SCN2A: variants seen among roughly 807,000 people sequenced by gnomAD.
The protein encoded by SCN2A is sodium voltage-gated channel alpha subunit 2.
In SCN2A, 20 loss-of-function variants were observed where a neutral mutation model predicts 188.7. The ratio of observed to expected loss-of-function variants is 0.11; its 90% CI spans 0.07 to 0.15. The LOEUF is 0.15. Among genes scored for constraint, SCN2A ranks in the 10% least tolerant of loss-of-function variants. SCN2A has a pLI of 1.00. For missense variants in SCN2A, 1,278 were observed against 2,445.0 expected (o/e 0.52, Z 10.07); for synonymous variants, 804 against 833.1 (o/e 0.97, Z 0.60).
At chr2:165,330,632 T>C (rs889092142) in intron 13 of SCN2A, among the ~76,000 whole-genome samples, 3 of 152,192 alleles carry the variant, frequency 2.0e-5, no homozygotes, top group African/African-American at 7.2e-5. Flanking sequence ...ATTATATGTA[T>C]GTTTCACCTA....
intron 16 of SCN2A, among the ~76,000 whole-genome samples, chr2:165,351,878 T>TTG (rs1475603844): frequency 6.6e-6 from 1 of 151,878 alleles, no homozygotes; most frequent in Non-Finnish European, 1.5e-5. Context: ...CTTGTTTTTT[T>TTG]TTTTTTTTTA....
chr2:165,334,935 A>T (rs1484694781), intron 14 of SCN2A, among the ~76,000 whole-genome samples: 1 of 151,708 alleles, frequency 6.6e-6, no homozygotes, highest in East Asian at 1.9e-4. Context: ...AGATCAATAT[A>T]CAAAACTCAA....
At chr2:165,387,100 C>A in intron 26 of SCN2A, 84 bp downstream of exon 26, 1 of 1,345,394 alleles carries the variant, frequency 7.4e-7, no homozygotes, top group Non-Finnish European at 1.1e-6. Flanking sequence ...TTTCACTAAT[C>A]TTTCTCATTC....
At chr2:165,303,054 A>G (rs1193369576) in intron 3 of SCN2A, among the ~76,000 whole-genome samples, 2 of 152,126 alleles carry the variant, frequency 1.3e-5, no homozygotes, top group African/African-American at 4.8e-5. Flanking sequence ...TTAAAGCAAT[A>G]TTGTTCCAGG....
At chr2:165,366,571 G>A (rs1241332180) in intron 18 of SCN2A, among the ~76,000 whole-genome samples, 2 of 151,802 alleles carry the variant, frequency 1.3e-5, no homozygotes, top group African/African-American at 2.4e-5. Flanking sequence ...CATCTCTACC[G>A]GGCGTAGTGG....
rs140459145 is a variant in SCN2A, at chr2:165,373,450, A to T, written c.3972+103A>T. The stretch of plus-strand genomic sequence containing the variant: ...TTTATGGAGAATTTGTGTCTTACAC[A>T]TTCATACTGACATAGCTAATCAATC... On this transcript the variant is annotated intron_variant, in intron 21 of 26. Transcript: ENST00000375437. 9.2e-6 allele frequency: 12 copies of T among 1,301,636 alleles called. No individual in the cohort carries two copies. In the African/African-American group the frequency reaches 1.8e-4, roughly 19 times the overall value. 80.6% of individuals were successfully genotyped at this position (1,301,636 alleles called of 1,614,324 possible).
intron 14 of SCN2A, among the ~76,000 whole-genome samples, chr2:165,337,570 T>C (rs1322632985): frequency 6.6e-6 from 1 of 151,930 alleles, no homozygotes; most frequent in Non-Finnish European, 1.5e-5. Context: ...ACAAAAAGCT[T>C]TGGAAACAAC....
chr2:165,368,195 C>T (rs1165317134), intron 19 of SCN2A, among the ~76,000 whole-genome samples: 14 of 152,078 alleles, frequency 9.2e-5, no homozygotes, highest in Admixed American at 9.2e-4. Context: ...TGGCCATCCC[C>T]AGCCAGACTC....
At chr2:165,300,369 A>AGT (rs1447904235) in intron 3 of SCN2A, among the ~76,000 whole-genome samples, 4 of 151,864 alleles carry the variant, frequency 2.6e-5, no homozygotes, top group Non-Finnish European at 5.9e-5. Flanking sequence ...CATTCATGTG[A>AGT]GTGTGTGTGT....
chr2:165,317,919 GAA>G (rs1465597545), intron 11 of SCN2A, among the ~76,000 whole-genome samples: 1 of 152,060 alleles, frequency 6.6e-6, no homozygotes, highest in Non-Finnish European at 1.5e-5. Flanking sequence ...GAAAGGGAAA[GAA>G]AGAGAAAGAG....
intron 20 of SCN2A, chr2:165,372,588 C>G (rs1701096944): frequency 6.6e-6 from 1 of 151,664 alleles, no homozygotes; most frequent in Non-Finnish European, 1.5e-5. Context: ...CATTAGTCAA[C>G]TGTATGAATA....
intron 16 of SCN2A, among the ~76,000 whole-genome samples, chr2:165,346,141 A>G (rs1018673874): frequency 6.6e-6 from 1 of 151,546 alleles, no homozygotes; most frequent in East Asian, 2.0e-4. Context: ...TGCCATTAAC[A>G]TTTTTTCCTT....
At chr2:165,341,920 A>AG (rs989496061) in intron 14 of SCN2A, among the ~76,000 whole-genome samples, 1 of 152,112 alleles carries the variant, frequency 6.6e-6, no homozygotes, top group African/African-American at 2.4e-5. Context: ...GGGCCAAGGG[A>AG]GGGGACCAAT....
At chr2:165,267,938 G>A (rs1694945053) in intron 1 of SCN2A, 1 of 151,842 alleles carries the variant, frequency 6.6e-6, no homozygotes, top group African/African-American at 2.4e-5. Flanking sequence ...ACTATCAAAA[G>A]AACAAAAGAT....
At chr2:165,329,024 G>A (rs889784455) in intron 13 of SCN2A, among the ~76,000 whole-genome samples, 26 of 132,608 alleles carry the variant, frequency 2.0e-4, no homozygotes, top group Non-Finnish European at 3.1e-4. Flanking sequence ...TCTGATAATG[G>A]TGCAAAGTTT....
chr2:165,286,026 A>T (rs948597277), intron 1 of SCN2A: 1 of 189,910 alleles, frequency 5.3e-6, no homozygotes, highest in African/African-American at 2.4e-5. Flanking sequence ...AGGGGCCCAC[A>T]GGAGGAACAA....
chr2:165,354,318 T>C lies in SCN2A; in HGVS notation c.3046T>C (p.Phe1016Leu), dbSNP rs1183442171. ...GGGAAGGATGCAGAAAGGAATCGAT[T>C]TTGTTAAAAGAAAAATACGTGAATT... ...AVGRMQKGID[F>L]VKRKIREFIQ... The change falls in exon 17 of 27, where the codon TTT becomes CTT. Residue 1016 changes from phenylalanine (F) to leucine (L), a missense_variant. Phe to Leu is a conservative substitution (Grantham distance 22). Coordinates refer to ENST00000375437, the MANE Select transcript of SCN2A (RefSeq NM_001040142.2). 6.2e-7 allele frequency: 1 copy of C among 1,614,088 alleles called. No homozygotes were observed.
At chr2:165,338,877 A>C (rs1189323580) in intron 14 of SCN2A, among the ~76,000 whole-genome samples, 1 of 152,180 alleles carries the variant, frequency 6.6e-6, no homozygotes, top group African/African-American at 2.4e-5. Context: ...AACTGTCAGT[A>C]AACTAGGAAT....
chr2:165,296,958 T>G lies in SCN2A; in HGVS notation c.268-59T>G, dbSNP rs1350434610. ...ATAAATAATGGTTTTACTTTTCTCT[T>G]AAAATATTCTTAATATATATTCTAA... On this transcript the variant is annotated intron_variant, in intron 2 of 26. Coordinates refer to ENST00000375437, the MANE Select transcript of SCN2A (RefSeq NM_001040142.2). 9 of 907,312 alleles carry G rather than the reference T, an allele frequency of 9.9e-6. No individual in the cohort carries two copies. The Admixed American group carries it at 1.2e-4, about 13-fold the overall frequency. The allele number at this position is 907,312 out of a possible 1,614,324, so 56.2% of individuals were successfully genotyped here.
Sources: allele counts gnomAD v4.1 joint callset (sites outside exome capture counted in the v4.1 genomes callset), GRCh38; gene constraint gnomAD v4.1.1; transcripts MANE v1.5; gene names NCBI Gene and HGNC (gene_info 2026-07-23, HGNC 2026-07-21).